TRAPPC2B: variants seen among roughly 807,000 people sequenced by gnomAD.
The protein encoded by TRAPPC2B is MBP-1 interacting protein-2A.
Under a neutral mutation model 8.4 loss-of-function variants are expected in TRAPPC2B, and 5 were observed. The ratio of observed to expected loss-of-function variants is 0.59; its 90% CI spans 0.31 to 1.25. TRAPPC2B has a LOEUF of 1.25. TRAPPC2B is among the 50% of genes most tolerant of loss of function. The probability of loss-of-function intolerance (pLI) is 0.06; values close to 1 mark genes in which losing one functional copy is unlikely to be tolerated. For synonymous variants in TRAPPC2B, 46 were observed against 58.1 expected (o/e 0.79, Z 0.95); for missense variants, 161 against 173.2 (o/e 0.93, Z 0.40).
rs193215645 is a variant in TRAPPC2B, at chr19:57,364,977, C to A, written c.144C>A (p.Leu48=). The change falls in exon 2 of 2, where the codon CTC becomes CTA. Residue 48 remains leucine (L), a synonymous_variant. Coordinates refer to ENST00000543226, the MANE Select transcript of TRAPPC2B (RefSeq NM_001355204.2). ...TCATAGCTCATGCTGCTCTCGACCTCGTAGATGAGAACATGTGGCTGTCGA... is the reference window on the plus strand; with the variant it reads ...TCATAGCTCATGCTGCTCTCGACCTAGTAGATGAGAACATGTGGCTGTCGA... ...NQFIAHAALD[L]VDENMWLSNN... The A allele has an allele frequency of 6.2e-7, 1 of 1,612,936 alleles. No homozygotes were observed. Among genetic ancestry groups the A allele is most frequent in the Admixed American group, 1.7e-5 (1 of 59,954 alleles).
At chr19:57,364,695 C>G (rs2088450231) in intron 1 of TRAPPC2B, 120 bp from the exon 2 acceptor site, 1 of 709,158 alleles carries the variant, frequency 1.4e-6, no homozygotes, top group Admixed American at 2.4e-5. Flanking sequence ...GAGCCAAGAT[C>G]GCGCCATTGC....
At position 57,365,015 on chromosome 19, in the gene TRAPPC2B, T is replaced by C. The variant is rs746465191; in HGVS notation, c.182T>C (p.Leu61Ser). The C allele has an allele frequency of 1.2e-6, 2 of 1,612,568 alleles. No individual in the cohort carries two copies. Among genetic ancestry groups the C allele is most frequent in the Non-Finnish European group, 1.7e-6 (2 of 1,178,780 alleles). The change falls in exon 2 of 2, where the codon TTG (leucine) becomes TCG (serine). Residue 61 changes from leucine (L) to serine (S), a missense_variant. By Grantham distance (145) the Leu-to-Ser change is moderately radical. Coordinates refer to ENST00000543226, the MANE Select transcript of TRAPPC2B (RefSeq NM_001355204.2). ...ENMWLSNNMY[L>S]KTVDKFNEWF... is the part of the protein sequence containing the mutation. ...ATGTGGCTGTCGAACAACATGTACT[T>C]GAAAACTGTGGACAAGTTCAACGAG...
chr19:57,365,221 G>C lies in TRAPPC2B; in HGVS notation c.388G>C (p.Val130Leu). 1 of 1,582,600 alleles carries C rather than the reference G, an allele frequency of 6.3e-7. No individual in the cohort carries two copies. Among genetic ancestry groups the C allele is most frequent in the Admixed American group, 1.8e-5 (1 of 55,680 alleles). The stretch of plus-strand genomic sequence containing the variant: ...TCGATCAAGTGCATTTGACAGAAAA[G>C]TTCAGTTTCTTGGGAAGAAACACCT... Reference protein sequence around the residue: ...PIRSSAFDRKVQFLGKKHLLS With the variant: ...PIRSSAFDRKLQFLGKKHLLS The change falls in exon 2 of 2, where the codon GTT becomes CTT. Residue 130 changes from valine to leucine, a missense_variant. By Grantham distance (32) the Val-to-Leu change is conservative. Coordinates refer to ENST00000543226, the MANE Select transcript of TRAPPC2B (RefSeq NM_001355204.2).
chr19:57,364,442 CTTCAAAA>C, intron 1 of TRAPPC2B: 1 of 198,002 alleles, frequency 5.1e-6, no homozygotes, highest in Non-Finnish European at 1.0e-5. Flanking sequence ...GGTGTAGATT[CTTCAAAA>C]GAATAGAGGG....
In TRAPPC2B at chr19:57,364,901, T is replaced by C; in HGVS notation, c.68T>C (p.Leu23Ser). ...AATCCAGTTTTTGAAATGGAGTTTTTGCCAGCTGGGAAGGCAGAATCCAAA... is the reference window on the plus strand; with the variant it reads ...AATCCAGTTTTTGAAATGGAGTTTTCGCCAGCTGGGAAGGCAGAATCCAAA... ...HDNPVFEMEF[L>S]PAGKAESKDD... is the part of the protein sequence containing the mutation. The change falls in exon 2 of 2, where the codon TTG becomes TCG. Residue 23 changes from leucine (L) to serine (S), a missense_variant. Transcript: ENST00000543226. 1 of 1,612,492 alleles carries C rather than the reference T, an allele frequency of 6.2e-7. No individual in the cohort carries two copies. The highest frequency in any genetic ancestry group is 8.5e-7 in the Non-Finnish European group (1 of 1,178,768).
chr19:57,365,033 T>G lies in TRAPPC2B; in HGVS notation c.200T>G (p.Phe67Cys). Reference sequence around the variant, plus strand: ...ATGTACTTGAAAACTGTGGACAAGTTCAACGAGTGGTTTGTGTCAGCATTT... The same window carrying G: ...ATGTACTTGAAAACTGTGGACAAGTGCAACGAGTGGTTTGTGTCAGCATTT... ...NNMYLKTVDKFNEWFVSAFVT... is the reference protein window; with the variant it reads ...NNMYLKTVDKCNEWFVSAFVT... The change falls in exon 2 of 2, where the codon TTC becomes TGC. Residue 67 changes from phenylalanine (F) to cysteine (C), a missense_variant. Phe to Cys is a radical substitution (Grantham distance 205). Transcript: ENST00000543226. 6.2e-7 allele frequency: 1 copy of G among 1,612,276 alleles called. No homozygotes were observed. Among genetic ancestry groups the G allele is most frequent in the East Asian group, 2.2e-5 (1 of 44,880 alleles).
chr19:57,363,640 C>T lies in TRAPPC2B; in HGVS notation c.-83C>T, dbSNP rs1237883057. 6.5e-6 allele frequency: 1 copy of T among 153,190 alleles called. No homozygotes were observed. Among genetic ancestry groups the T allele is most frequent in the Non-Finnish European group, 1.5e-5 (1 of 68,166 alleles). 9.5% of individuals were successfully genotyped at this position (153,190 alleles called of 1,614,324 possible). Reference sequence around the variant, plus strand: ...GGGGACGGCGGTGTCCTTGTCTTGCCTTTGTCGCCCCCGCCCCTCTCTTCC... The same window carrying T: ...GGGGACGGCGGTGTCCTTGTCTTGCTTTTGTCGCCCCCGCCCCTCTCTTCC... On this transcript the variant is annotated 5_prime_UTR_variant, in exon 1 of 2. Transcript: ENST00000543226.
Position 57,365,157 on chromosome 19 carries a change from A to C in TRAPPC2B, c.324A>C (p.Lys108Asn). Residue 108 changes from lysine to asparagine, a missense_variant, in exon 2 of 2, where the codon AAA becomes AAC. Lys to Asn is a moderately conservative substitution (Grantham distance 94, BLOSUM62 0). Coordinates refer to ENST00000543226, the MANE Select transcript of TRAPPC2B (RefSeq NM_001355204.2). ...CTGATGTTTATGATTTATATATAAA[A>C]TTTTCAATGAATCCATTTTATGAAC... ...FFTDVYDLYI[K>N]FSMNPFYEPN... 6.3e-7 allele frequency: 1 copy of C among 1,596,148 alleles called. No individual in the cohort carries two copies. Among genetic ancestry groups the C allele is most frequent in the Non-Finnish European group, 8.5e-7 (1 of 1,169,892 alleles).
In TRAPPC2B at chr19:57,364,865, G is replaced by A; in HGVS notation, c.32G>A (p.Gly11Asp). 6.2e-7 allele frequency: 1 copy of A among 1,611,096 alleles called. No individual in the cohort carries two copies. The highest frequency in any genetic ancestry group is 1.1e-5 in the South Asian group (1 of 90,664). MSGSFYFVIV[G>D]HHDNPVFEME... ...GGAAGCTTCTACTTTGTAATTGTTG[G>A]TCACCATGATAATCCAGTTTTTGAA... Residue 11 changes from glycine to aspartate, a missense_variant, in exon 2 of 2, where the codon GGT (glycine) becomes GAT (aspartate). Transcript: ENST00000543226.
intron 1 of TRAPPC2B, chr19:57,364,469 G>A (rs2088447801): frequency 1.2e-5 from 4 of 323,032 alleles, no homozygotes; most frequent in East Asian, 1.5e-4. Context: ...GTGGCCGGGC[G>A]TGGTGGCTCA....
Position 57,365,328 on chromosome 19 carries a change from C to A in TRAPPC2B, c.*72C>A. The A allele has an allele frequency of 9.6e-7, 1 of 1,041,582 alleles. No individual in the cohort carries two copies. The highest frequency in any genetic ancestry group is 1.4e-6 in the Non-Finnish European group (1 of 701,494). 64.5% of individuals were successfully genotyped at this position (1,041,582 alleles called of 1,614,324 possible). On this transcript the variant is annotated 3_prime_UTR_variant, in exon 2 of 2. Transcript: ENST00000543226. Reference sequence around the variant, plus strand: ...TCAGGAATGTGTACATTGTAAATTACTTGATTAAATAGCCTGGAAATCTTT... The same window carrying A: ...TCAGGAATGTGTACATTGTAAATTAATTGATTAAATAGCCTGGAAATCTTT...
intron 1 of TRAPPC2B, 173 bp from the exon 2 acceptor site, chr19:57,364,642 G>A (rs1176588454): frequency 6.6e-6 from 4 of 608,716 alleles, no homozygotes; most frequent in Non-Finnish European, 1.2e-5. Flanking sequence ...TCGGGAGGCT[G>A]AGGCAGGAGA....
intron 1 of TRAPPC2B, chr19:57,364,558 T>G: frequency 1.0e-5 from 5 of 480,510 alleles, no homozygotes; most frequent in South Asian, 8.6e-5. Context: ...CTGACCAACA[T>G]GGTGAAACCC....
chr19:57,364,486 T>TATCATTAAA, intron 1 of TRAPPC2B: 1 of 344,188 alleles, frequency 2.9e-6, no homozygotes, highest in South Asian at 2.9e-5. Context: ...CTCACGCCGG[T>TATCATTAAA]AATCCCAGCA....
At position 57,365,088 on chromosome 19, in the gene TRAPPC2B, G is replaced by A; in HGVS notation, c.255G>A (p.Met85Ile). ...FVTAGHMRFI[M>I]LHDIRQEDGI... ...CCGCGGGGCATATGAGGTTTATTATGCTTCATGACATAAGACAAGAAGATG... is the reference window on the plus strand; with the variant it reads ...CCGCGGGGCATATGAGGTTTATTATACTTCATGACATAAGACAAGAAGATG... The change falls in exon 2 of 2, where the codon ATG becomes ATA. Residue 85 changes from methionine (M) to isoleucine (I), a missense_variant. Physicochemically the swap from Met to Ile is conservative, Grantham distance 10. Coordinates refer to ENST00000543226, the MANE Select transcript of TRAPPC2B (RefSeq NM_001355204.2). 2 of 1,609,770 alleles carry A rather than the reference G, an allele frequency of 1.2e-6. No individual in the cohort carries two copies. The highest frequency in any genetic ancestry group is 1.7e-6 in the Non-Finnish European group (2 of 1,176,384).
At position 57,364,934 on chromosome 19, in the gene TRAPPC2B, A is replaced by G. The variant is rs1019808727; in HGVS notation, c.101A>G (p.His34Arg). 28 of 1,612,980 alleles carry G rather than the reference A, an allele frequency of 1.7e-5. No individual in the cohort carries two copies. The highest frequency in any genetic ancestry group is 2.1e-5 in the Non-Finnish European group (25 of 1,179,196). The change falls in exon 2 of 2, where the codon CAT (histidine) becomes CGT (arginine). Residue 34 changes from histidine (H) to arginine (R), a missense_variant. By Grantham distance (29) the His-to-Arg change is conservative (BLOSUM62 0). Transcript: ENST00000543226. ...GGGAAGGCAGAATCCAAAGACGACC[A>G]TCGTCATCTGAACCAGTTCATAGCT... ...PAGKAESKDD[H>R]RHLNQFIAHA...
rs2285604 is a variant in TRAPPC2B, at chr19:57,363,586, C to G, written c.-137C>G. On this transcript the variant is annotated 5_prime_UTR_variant, in exon 1 of 2. Transcript: ENST00000543226. ...GCGGTAGTGACACAGGCACAACTGA[C>G]AGTGGCAGAAGCTCAGCTGACAAGG... The G allele has an allele frequency of 0.49, 75,243 of 152,792 alleles. 19,388 individuals are homozygous for G. Among genetic ancestry groups the G allele is most frequent in the East Asian group, 0.67 (3,444 of 5,168 alleles). 9.5% of individuals were successfully genotyped at this position (152,792 alleles called of 1,614,324 possible). A position where few individuals can be genotyped will look rare whatever the true frequency, so the allele number is the denominator to read the frequency against.
At position 57,365,305 on chromosome 19, in the gene TRAPPC2B, A is replaced by T. The variant is rs2123008995; in HGVS notation, c.*49A>T. On this transcript the variant is annotated 3_prime_UTR_variant, in exon 2 of 2. Transcript: ENST00000543226. Reference sequence around the variant, plus strand: ...TATATCACCACAATGGTGTATACTCAGGAATGTGTACATTGTAAATTACTT... The same window carrying T: ...TATATCACCACAATGGTGTATACTCTGGAATGTGTACATTGTAAATTACTT... 8.1e-7 allele frequency: 1 copy of T among 1,227,464 alleles called. No homozygotes were observed. The highest frequency in any genetic ancestry group is 2.5e-5 in the East Asian group (1 of 39,292). 76.0% of individuals were successfully genotyped at this position (1,227,464 alleles called of 1,614,324 possible).
At chr19:57,364,589 A>G (rs1194026573) in intron 1 of TRAPPC2B, 1 of 560,216 alleles carries the variant, frequency 1.8e-6, no homozygotes, top group African/African-American at 1.9e-5. Flanking sequence ...AAAAATACAA[A>G]AATTAGCCGG....
Sources: gnomAD v4.1 joint callset for allele counts on GRCh38, gnomAD v4.1.1 for gene constraint, MANE v1.5 for transcripts, NCBI Gene and HGNC (gene_info 2026-07-23, HGNC 2026-07-21) for gene names.